LMBRD1: variants seen among roughly 807,000 people sequenced by gnomAD.
The protein encoded by LMBRD1 is LMBR1 domain containing 1.
LMBRD1 carries 64 observed loss-of-function variants against 74.8 expected under a neutral mutation model. The ratio of observed to expected loss-of-function variants is 0.86; its 90% CI spans 0.70 to 1.05. The LOEUF is 1.05. Ranked by LOEUF, LMBRD1 falls within the 50% of genes least tolerant of loss-of-function variation. The pLI, the probability that LMBRD1 is intolerant of heterozygous loss-of-function variation, is 0.00. For missense variants in LMBRD1, 652 were observed against 645.9 expected (o/e 1.01, Z -0.10); for synonymous variants, 204 against 216.3 (o/e 0.94, Z 0.50).
chr6:69,692,021 A>G (rs1306452929), intron 14 of LMBRD1, among the ~76,000 whole-genome samples: 2 of 151,986 alleles, frequency 1.3e-5, no homozygotes, highest in Non-Finnish European at 2.9e-5. Context: ...ATCAATACAC[A>G]TTTTACTTAT....
intron 1 of LMBRD1, among the ~76,000 whole-genome samples, chr6:69,791,957 C>A (rs1403228515): frequency 6.6e-6 from 1 of 152,208 alleles, no homozygotes; most frequent in Non-Finnish European, 1.5e-5. Context: ...CTAGGTTTCA[C>A]CTAGGACCTC....
At chr6:69,682,105 C>T (rs1008724808) in intron 14 of LMBRD1, among the ~76,000 whole-genome samples, 2 of 151,228 alleles carry the variant, frequency 1.3e-5, no homozygotes, top group Non-Finnish European at 3.0e-5. Flanking sequence ...ATTTCGGAAA[C>T]TAATGAAATA....
chr6:69,749,535 A>C (rs1407989717), intron 4 of LMBRD1, 127 bp from the exon 5 acceptor site: 1 of 728,196 alleles, frequency 1.4e-6, no homozygotes, highest in East Asian at 2.7e-5. Flanking sequence ...ACTAAGGTTG[A>C]AAAACAACCT....
At chr6:69,683,898 C>T (rs1765711694) in intron 14 of LMBRD1, among the ~76,000 whole-genome samples, 1 of 151,958 alleles carries the variant, frequency 6.6e-6, no homozygotes, top group African/African-American at 2.4e-5. Context: ...GTTTTCCTCC[C>T]ATTTATTTTA....
intron 9 of LMBRD1, among the ~76,000 whole-genome samples, chr6:69,709,056 G>GA (rs1267281993): frequency 6.6e-6 from 1 of 152,082 alleles, no homozygotes; most frequent in Non-Finnish European, 1.5e-5. Flanking sequence ...CCAACATGGA[G>GA]AAACCCCGTC....
chr6:69,733,705 T>A (rs1355786691), intron 7 of LMBRD1, among the ~76,000 whole-genome samples: 1 of 152,200 alleles, frequency 6.6e-6, no homozygotes, highest in African/African-American at 2.4e-5. Context: ...CTTGTAGTGC[T>A]ATTCGAATGA....
intron 4 of LMBRD1, among the ~76,000 whole-genome samples, chr6:69,750,861 A>G (rs994019080): frequency 2.0e-5 from 3 of 152,166 alleles, no homozygotes; most frequent in African/African-American, 4.8e-5. Context: ...GTCATTTAAA[A>G]TACTGTTAAT....
At position 69,749,407 on chromosome 6, in the gene LMBRD1, T is replaced by G; in HGVS notation, c.407A>C (p.Gln136Pro). Residue 136 changes from glutamine to proline, a missense_variant and splice_region_variant, in exon 5 of 16, where the codon CAA (glutamine) becomes CCA (proline). Physicochemically the swap from Gln to Pro is moderately conservative, Grantham distance 76 (BLOSUM62 -1). This residue lies in a region of LMBRD1 where 598 missense variants were observed against 581.8 expected (regional missense o/e 1.03). Coordinates refer to ENST00000649934, the MANE Select transcript of LMBRD1 (RefSeq NM_018368.4). ...AGTATACTTGAGTGCCGTTTTAATT[T>G]GCTAGATGCCAAGGAGAAAAAAGTA... Reference protein sequence around the residue: ...KDDDDTSKCTQIKTALKYTLG... With the variant: ...KDDDDTSKCTPIKTALKYTLG... The G allele has an allele frequency of 6.2e-7, 1 of 1,612,000 alleles. No homozygotes were observed. Among genetic ancestry groups the G allele is most frequent in the Non-Finnish European group, 8.5e-7 (1 of 1,178,356 alleles).
At chr6:69,705,418 G>C (rs1184109845) in intron 9 of LMBRD1, 10 of 1,233,860 alleles carry the variant, frequency 8.1e-6, no homozygotes, top group African/African-American at 1.5e-5. Context: ...ATACTTGCTT[G>C]CATTTTTGCT....
At chr6:69,712,461 T>C (rs1766404481) in intron 9 of LMBRD1, among the ~76,000 whole-genome samples, 1 of 151,940 alleles carries the variant, frequency 6.6e-6, no homozygotes. Flanking sequence ...TTAAAGTCAT[T>C]TTGTTTCTCA....
At chr6:69,687,737 C>A (rs943636519) in intron 14 of LMBRD1, among the ~76,000 whole-genome samples, 2 of 152,066 alleles carry the variant, frequency 1.3e-5, no homozygotes, top group Non-Finnish European at 2.9e-5. Context: ...TCAAAATTAT[C>A]AAAATTCTAG....
intron 5 of LMBRD1, among the ~76,000 whole-genome samples, chr6:69,747,641 C>T (rs1163798496): frequency 2.0e-5 from 3 of 152,196 alleles, no homozygotes; most frequent in Non-Finnish European, 2.9e-5. Context: ...CCTATCAGAG[C>T]ACTTAAACAC....
At chr6:69,717,691 T>TTTTG (rs371475212) in intron 8 of LMBRD1, among the ~76,000 whole-genome samples, 15 of 152,248 alleles carry the variant, frequency 9.9e-5, no homozygotes, top group Non-Finnish European at 2.2e-4. Context: ...AATTGCTACT[T>TTTTG]TTTGTTTGTT....
chr6:69,698,858 C>CA (rs1454312460), intron 13 of LMBRD1, among the ~76,000 whole-genome samples, 185 bp downstream of exon 13: 1 of 150,958 alleles, frequency 6.6e-6, no homozygotes, highest in Admixed American at 6.6e-5. Context: ...TGTGCTGTTT[C>CA]AAAAAAACAA....
rs1226826683 is a variant in LMBRD1, at chr6:69,674,223, G to T, written c.*1935C>A. On this transcript the variant is annotated 3_prime_UTR_variant, in exon 16 of 16. Coordinates refer to ENST00000649934, the MANE Select transcript of LMBRD1 (RefSeq NM_018368.4). ...AGAACACCAGTCATATTGGATTTGG[G>T]CTTCACGCAATAGCCTCATTTTACT... 1.3e-5 allele frequency among the ~76,000 whole-genome samples: 2 copies of T among 152,116 alleles called. No homozygotes were observed. The highest frequency in any genetic ancestry group is 2.9e-5 in the Non-Finnish European group (2 of 68,030).
At chr6:69,774,830 T>C (rs1304575576) in intron 3 of LMBRD1, among the ~76,000 whole-genome samples, 10 of 151,798 alleles carry the variant, frequency 6.6e-5, no homozygotes, top group Non-Finnish European at 1.0e-4. Context: ...TGGTGGCTTA[T>C]GCCTGTAATC....
chr6:69,682,312 T>C (rs920178473), intron 14 of LMBRD1, among the ~76,000 whole-genome samples: 6 of 151,938 alleles, frequency 3.9e-5, no homozygotes, highest in African/African-American at 9.7e-5. Context: ...AGTTTTCTTA[T>C]ACTTTAAGAA....
In LMBRD1 at chr6:69,754,696, A is replaced by C. The variant is rs116944962; in HGVS notation, c.308-2340T>G. On this transcript the variant is annotated intron_variant, in intron 3 of 15. Transcript: ENST00000649934. ...TTTTAACATTTCTATTGCAAATCTA[A>C]CAGCCAACAGACATAAACATTTATC... Among the ~76,000 whole-genome samples, 1,367 of 152,326 alleles carry C rather than the reference A, an allele frequency of 9.0e-3. 11 individuals carry two copies. Among genetic ancestry groups the C allele is most frequent in the Non-Finnish European group, 0.014 (946 of 68,026 alleles).
At chr6:69,696,213 A>G (rs1361460009) in intron 14 of LMBRD1, among the ~76,000 whole-genome samples, 1 of 152,228 alleles carries the variant, frequency 6.6e-6, no homozygotes, top group Non-Finnish European at 1.5e-5. Flanking sequence ...ACAACCAATC[A>G]GAAATTCTTT....
Sources: allele counts gnomAD v4.1 joint callset (sites outside exome capture counted in the v4.1 genomes callset), GRCh38; gene constraint gnomAD v4.1.1; regional missense constraint gnomAD v4.1.1; transcripts MANE v1.5; gene names NCBI Gene and HGNC (gene_info 2026-07-23, HGNC 2026-07-21).